GRID2: variants seen among roughly 807,000 people sequenced by gnomAD.
GRID2 encodes glutamate ionotropic receptor delta type subunit 2.
In GRID2, 33 loss-of-function variants were observed where a neutral mutation model predicts 114.8. The observed-to-expected ratio is 0.29, with a 90% CI of 0.22 to 0.38. GRID2 has a LOEUF of 0.38. GRID2 is among the 10% of genes least tolerant of loss of function. GRID2 has a pLI of 1.00. For missense variants in GRID2, 1,184 were observed against 1,257.7 expected, an observed-to-expected ratio of 0.94 and a Z score of 0.89; for synonymous variants, 505 against 449.9, an observed-to-expected ratio of 1.12 and a Z score of -1.55.
chr4:93,264,734 TTA>T (rs57194878), intron 8 of GRID2, among the ~76,000 whole-genome samples: 7 of 91,020 alleles, frequency 7.7e-5, no homozygotes, highest in South Asian at 3.5e-4. Flanking sequence ...ATCATTTGAA[TTA>T]TATATATATA....
chr4:93,399,740 G>A (rs1765699492), intron 9 of GRID2, among the ~76,000 whole-genome samples: 1 of 152,026 alleles, frequency 6.6e-6, no homozygotes, highest in African/African-American at 2.4e-5. Context: ...GGGATACACT[G>A]ATCTCACTCC....
rs1476952098 is a variant in GRID2, at chr4:92,704,556, T to G, written c.244+114270T>G. 2.6e-5 allele frequency among the ~76,000 whole-genome samples: 4 copies of G among 152,186 alleles called. No homozygotes were observed. In the East Asian group the frequency reaches 7.7e-4, roughly 29 times the overall value. On this transcript the variant is annotated intron_variant, in intron 2 of 15. Transcript: ENST00000282020. ...CATAACAGATAGATGAAAGGAAACA[T>G]TTTTTAAATATTTGTCTTTAAAATT...
chr4:93,294,893 T>A (rs1754131081), intron 8 of GRID2, among the ~76,000 whole-genome samples: 1 of 152,010 alleles, frequency 6.6e-6, no homozygotes, highest in Non-Finnish European at 1.5e-5. Context: ...AAAGTGTCCC[T>A]GTTTGTGATA....
chr4:92,684,124 T>C (rs1224312465), intron 2 of GRID2, among the ~76,000 whole-genome samples: 2 of 152,048 alleles, frequency 1.3e-5, no homozygotes, highest in African/African-American at 4.8e-5. Context: ...TACCATTATG[T>C]AAATTTTAAA....
At chr4:92,909,774 G>A (rs1375965004) in intron 2 of GRID2, among the ~76,000 whole-genome samples, 1 of 151,972 alleles carries the variant, frequency 6.6e-6, no homozygotes, top group African/African-American at 2.4e-5. Flanking sequence ...TATTTTTAAA[G>A]CATTTTTTAT....
chr4:93,405,930 C>A (rs1766367489), intron 9 of GRID2, among the ~76,000 whole-genome samples: 2 of 152,060 alleles, frequency 1.3e-5, no homozygotes, highest in Non-Finnish European at 2.9e-5. Flanking sequence ...ACATTAGTAG[C>A]TATTAAAGCT....
rs144775066 is a variant in GRID2 at position 92,862,705 on chromosome 4, T to C, written c.245-222290T>C. ...GCTTGATAAAATGTCTCTTAGAAAA[T>C]ACCTTAATCAGCATAAATTTCAGTT... On this transcript the variant is annotated intron_variant, in intron 2 of 15. Coordinates refer to ENST00000282020, the MANE Select transcript of GRID2 (RefSeq NM_001510.4). Among the ~76,000 whole-genome samples the C allele has an allele frequency of 2.3e-4, 35 of 152,218 alleles. No individual in the cohort carries two copies. The East Asian group carries it at 5.6e-3, about 24-fold the overall frequency.
intron 1 of GRID2, among the ~76,000 whole-genome samples, chr4:92,423,352 T>C (rs1397508215): frequency 6.6e-6 from 1 of 152,112 alleles, no homozygotes; most frequent in Non-Finnish European, 1.5e-5. Flanking sequence ...GTTTAGGAGA[T>C]AAATTATTTT....
intron 2 of GRID2, among the ~76,000 whole-genome samples, chr4:93,010,222 A>C (rs967774605): frequency 6.6e-5 from 10 of 152,048 alleles, no homozygotes; most frequent in Non-Finnish European, 1.3e-4. Context: ...ATGATAGATG[A>C]TTATATGATA....
chr4:92,746,854 A>G (rs1220039313), intron 2 of GRID2, among the ~76,000 whole-genome samples: 1 of 152,096 alleles, frequency 6.6e-6, no homozygotes, highest in African/African-American at 2.4e-5. Flanking sequence ...CTCTATAGAA[A>G]GGTAACTTTT....
At chr4:93,391,672 C>G (rs1764865184) in intron 8 of GRID2, among the ~76,000 whole-genome samples, 1 of 152,018 alleles carries the variant, frequency 6.6e-6, no homozygotes, top group South Asian at 2.1e-4. Flanking sequence ...ATAACACTGC[C>G]TGAAAAATAA....
chr4:93,258,796 A>T (rs548778918), intron 8 of GRID2: 68 of 399,874 alleles, frequency 1.7e-4, no homozygotes, highest in South Asian at 1.2e-3. Flanking sequence ...TAATGCATGG[A>T]TTTATTTATT....
chr4:93,323,777 G>T (rs1757513057), intron 8 of GRID2, among the ~76,000 whole-genome samples: 1 of 152,052 alleles, frequency 6.6e-6, no homozygotes, highest in Non-Finnish European at 1.5e-5. Flanking sequence ...CTTATAAGTT[G>T]GATTCCTAGG....
At chr4:92,515,202 G>C (rs1193456969) in intron 1 of GRID2, among the ~76,000 whole-genome samples, 1 of 151,772 alleles carries the variant, frequency 6.6e-6, no homozygotes, top group Non-Finnish European at 1.5e-5. Flanking sequence ...AGGAAAAATT[G>C]CTAAGCTATA....
intron 8 of GRID2, among the ~76,000 whole-genome samples, chr4:93,326,643 A>G (rs938795151): frequency 1.3e-5 from 2 of 151,050 alleles, no homozygotes; most frequent in South Asian, 4.2e-4. Flanking sequence ...GGAGACAGGC[A>G]TGTGTACCCG....
chr4:92,716,592 C>A (rs925966424), intron 2 of GRID2, among the ~76,000 whole-genome samples: 6 of 152,138 alleles, frequency 3.9e-5, no homozygotes, highest in African/African-American at 1.4e-4. Context: ...TTACTACAAT[C>A]TAATATAAAT....
At chr4:93,740,013 A>G (rs1440739190) in intron 14 of GRID2, among the ~76,000 whole-genome samples, 7 of 152,220 alleles carry the variant, frequency 4.6e-5, no homozygotes, top group Admixed American at 4.6e-4. Flanking sequence ...CTTTAGAAAC[A>G]ATAGTCATGC....
chr4:92,635,962 A>G (rs186469653), intron 2 of GRID2, among the ~76,000 whole-genome samples: 3 of 152,230 alleles, frequency 2.0e-5, no homozygotes, highest in East Asian at 3.9e-4. Context: ...ATGGGTTGAT[A>G]AGAATGAATT....
chr4:92,460,575 TACTG>T (rs538636163), intron 1 of GRID2, among the ~76,000 whole-genome samples: 2,034 of 152,292 alleles, frequency 0.013, 18 homozygotes, highest in Middle Eastern at 0.044. Flanking sequence ...TTTTTACACT[TACTG>T]CTGTTGTTTT....
Sources: allele counts gnomAD v4.1 joint callset (sites outside exome capture counted in the v4.1 genomes callset), GRCh38; gene constraint gnomAD v4.1.1; transcripts MANE v1.5; gene names NCBI Gene and HGNC (gene_info 2026-07-23, HGNC 2026-07-21).